The following SFI1 variants were observed in gnomAD, a reference collection of about 807,000 sequenced individuals.
SFI1 encodes SFI1 centrin binding protein.
SFI1 carries 195 observed loss-of-function variants against 207.5 expected under a neutral mutation model. The observed-to-expected ratio is 0.94, with a 90% CI of 0.84 to 1.06. The LOEUF (loss-of-function observed/expected upper bound fraction) is 1.06, where lower values mean the gene tolerates loss of function less well. Ranked by LOEUF, SFI1 falls within the 50% of genes least tolerant of loss-of-function variation. The pLI, the probability that SFI1 is intolerant of heterozygous loss-of-function variation, is 0.00. For missense variants in SFI1, 1,634 were observed against 1,588.0 expected (o/e 1.03, Z -0.49); for synonymous variants, 630 against 598.9 (o/e 1.05, Z -0.76).
chr22:31,543,013 C>T (rs1361863591), intron 4 of SFI1, among the ~76,000 whole-genome samples: 1 of 149,786 alleles, frequency 6.7e-6, no homozygotes, highest in African/African-American at 2.5e-5. Flanking sequence ...ACTCTGTCTC[C>T]CAGGCTGGAG....
At chr22:31,612,967 A>C in intron 24 of SFI1, 175 bp from the exon 25 acceptor site, 1 of 626,344 alleles carries the variant, frequency 1.6e-6, no homozygotes, top group Non-Finnish European at 2.8e-6. Flanking sequence ...CAGGCCACAG[A>C]TGGAGCGTGT....
chr22:31,576,750 C>T (rs1186906497), intron 10 of SFI1, among the ~76,000 whole-genome samples: 5 of 152,048 alleles, frequency 3.3e-5, no homozygotes, highest in Admixed American at 6.6e-5. Flanking sequence ...AGCGATTCTC[C>T]GGCCTCAGCC....
chr22:31,591,453 A>AT (rs1266014065), intron 15 of SFI1, among the ~76,000 whole-genome samples: 1 of 152,030 alleles, frequency 6.6e-6, no homozygotes, highest in Non-Finnish European at 1.5e-5. Context: ...CGCCATTGTC[A>AT]TCCTGGCCCG....
chr22:31,549,797 G>A (rs1260184908), intron 5 of SFI1, among the ~76,000 whole-genome samples: 1 of 150,946 alleles, frequency 6.6e-6, no homozygotes, highest in South Asian at 2.1e-4. Context: ...TGTGATTGTA[G>A]GAAATGAAAT....
Position 31,613,781 on chromosome 22 carries a change from C to G in SFI1, c.2922C>G (p.Thr974=), listed in dbSNP as rs768939032. Residue 974 remains threonine (T), a synonymous_variant, in exon 27 of 33, where the codon ACC becomes ACG. Transcript: ENST00000400288. ...AAGAGDGTLE[T]KRPQASRPLG... The stretch of plus-strand genomic sequence containing the variant: ...GGGCTGGGGATGGCACCCTTGAGAC[C>G]AAGAGGCCACAGGCTTCTCGGCCTC... 21 of 1,612,670 alleles carry G rather than the reference C, an allele frequency of 1.3e-5. No individual in the cohort carries two copies. Among genetic ancestry groups the G allele is most frequent in the Admixed American group, 5.0e-5 (3 of 59,910 alleles).
At chr22:31,517,144 GA>G (rs1038764067) in intron 2 of SFI1, among the ~76,000 whole-genome samples, 4 of 150,654 alleles carry the variant, frequency 2.7e-5, no homozygotes, top group African/African-American at 4.9e-5. Flanking sequence ...AAAAAAAAAA[GA>G]AAAAAAAATT....
intron 15 of SFI1, among the ~76,000 whole-genome samples, chr22:31,593,279 CG>C (rs1037477811): frequency 5.1e-5 from 7 of 137,832 alleles, no homozygotes; most frequent in South Asian, 2.5e-4. Context: ...ACTTCTCAGA[CG>C]GGGCGGCCGG....
intron 2 of SFI1, among the ~76,000 whole-genome samples, chr22:31,515,300 GGTAGGTAT>G: frequency 6.6e-6 from 1 of 151,030 alleles, no homozygotes; most frequent in South Asian, 2.1e-4. Flanking sequence ...ATACTAATCT[GGTAGGTAT>G]GTCTCATTGT....
In SFI1 at chr22:31,603,794, G is replaced by T. The variant is rs769739523; in HGVS notation, c.1856G>T (p.Arg619Leu). The change falls in exon 18 of 33, where the codon CGT becomes CTT. Residue 619 changes from arginine to leucine, a missense_variant. Transcript: ENST00000400288. ...AAEFHMAQLL[R>L]WAWSQWRECL... ...GAATTCCACATGGCCCAGCTCCTGC[G>T]TTGGGCCTGGAGCCAGTGGAGGGAG... The T allele has an allele frequency of 2.6e-6, 4 of 1,559,322 alleles. No homozygotes were observed. In the East Asian group the frequency reaches 9.7e-5, roughly 38 times the overall value.
At chr22:31,604,259 C>A (rs1053828508) in intron 18 of SFI1, 50 bp from the exon 19 acceptor site, 1 of 1,468,182 alleles carries the variant, frequency 6.8e-7, no homozygotes. Context: ...AGGAAGCCAC[C>A]CCCAACTCAG....
intron 4 of SFI1, among the ~76,000 whole-genome samples, chr22:31,533,847 G>A (rs775665486): frequency 1.3e-5 from 2 of 151,712 alleles, no homozygotes; most frequent in East Asian, 3.9e-4. Context: ...TCTCTTTTTT[G>A]TTTAATTTAT....
rs1555983870 is a variant in SFI1 at position 31,545,569 on chromosome 22, A to ATTTTATTTT, written c.339-1292_339-1291insTTTTATTTT. On this transcript the variant is annotated intron_variant, in intron 4 of 32. Transcript: ENST00000400288. ...TTTTTAATTTAATTTAATTTAATTT[A>ATTTTATTTT]ATTTAATTTAATTTAATTTTATTTT... Among the ~76,000 whole-genome samples the ATTTTATTTT allele has an allele frequency of 2.1e-3, 192 of 92,624 alleles. 2 individuals are homozygous for ATTTTATTTT. The highest frequency in any genetic ancestry group is 6.0e-3 in the Admixed American group (51 of 8,524). 60.8% of individuals were successfully genotyped at this position (92,624 alleles called of 152,430 possible). A position where few individuals can be genotyped will look rare whatever the true frequency, so the allele number is the denominator to read the frequency against.
chr22:31,593,909 G>C (rs1020447143), intron 15 of SFI1, among the ~76,000 whole-genome samples: 2 of 145,294 alleles, frequency 1.4e-5, no homozygotes, highest in Admixed American at 1.4e-4. Context: ...CAGGCAGGGA[G>C]GTTGCAGTGA....
chr22:31,541,948 A>G (rs1455804834), intron 4 of SFI1, among the ~76,000 whole-genome samples: 1 of 151,212 alleles, frequency 6.6e-6, no homozygotes, highest in African/African-American at 2.4e-5. Context: ...TAAAAATACA[A>G]AAATTAGCTG....
chr22:31,571,912 T>A (rs562179207), intron 8 of SFI1, among the ~76,000 whole-genome samples: 1 of 152,140 alleles, frequency 6.6e-6, no homozygotes, highest in Non-Finnish European at 1.5e-5. Flanking sequence ...TTTTTTTTTT[T>A]AGGATAGGAA....
chr22:31,615,042 G>C lies in SFI1; in HGVS notation c.3069-6G>C. ...CTGACCAGGCTCTTGCCTTCCCTGTGCTCAGGCCTCAGAAGCCACAGGAAC... is the reference window on the plus strand; with the variant it reads ...CTGACCAGGCTCTTGCCTTCCCTGTCCTCAGGCCTCAGAAGCCACAGGAAC... On this transcript the variant is annotated splice_polypyrimidine_tract_variant and splice_region_variant and intron_variant, in intron 28 of 32. Transcript: ENST00000400288. The C allele has an allele frequency of 6.2e-7, 1 of 1,611,666 alleles. No homozygotes were observed. Among genetic ancestry groups the C allele is most frequent in the Non-Finnish European group, 8.5e-7 (1 of 1,179,424 alleles).
chr22:31,524,887 C>G (rs2147190224), intron 2 of SFI1, among the ~76,000 whole-genome samples: 1 of 152,104 alleles, frequency 6.6e-6, no homozygotes, highest in East Asian at 1.9e-4. Flanking sequence ...CACCACCTCC[C>G]AGGTTCAAGC....
At position 31,604,324 on chromosome 22, in the gene SFI1, G is replaced by T; in HGVS notation, c.1897G>T (p.Gly633Ter). The stretch of plus-strand genomic sequence containing the variant: ...CTGTCTGCAGTGCCTGGCCCTGCGG[G>T]GAGCGGAGCGGCAGAAGCTGATGCG... ...SQWRECLALRGAERQKLMRAD... is the reference protein window; with the variant it reads ...SQWRECLALR The change falls in exon 19 of 33, where the codon GGA becomes TGA. Residue 633 changes from glycine (G) to a stop codon, truncating the protein, a stop_gained. Transcript: ENST00000400288. LOFTEE classifies it high-confidence loss of function. 6.3e-7 allele frequency: 1 copy of T among 1,578,236 alleles called. No individual in the cohort carries two copies.
At chr22:31,590,979 A>ATTTATTTATTTAT (rs1285119931) in intron 15 of SFI1, among the ~76,000 whole-genome samples, 32 of 142,210 alleles carry the variant, frequency 2.3e-4, no homozygotes, top group African/African-American at 8.3e-4. Context: ...TTATTTATTT[A>ATTTATTTATTTAT]TTTTTTTATT....
Sources: gnomAD v4.1 joint callset for allele counts (sites outside exome capture counted in the v4.1 genomes callset) on GRCh38, gnomAD v4.1.1 for gene constraint, MANE v1.5 for transcripts, NCBI Gene and HGNC (gene_info 2026-07-23, HGNC 2026-07-21) for gene names.